TCF12: variants seen among roughly 807,000 people sequenced by gnomAD.
The protein encoded by TCF12 is transcription factor 12.
TCF12 carries 45 observed loss-of-function variants against 86.0 expected under a neutral mutation model. The observed-to-expected ratio is 0.52, with a 90% CI of 0.41 to 0.67. The LOEUF is 0.67. TCF12 is among the 30% of genes least tolerant of loss of function. The probability of loss-of-function intolerance (pLI) is 0.00; values close to 1 mark genes in which losing one functional copy is unlikely to be tolerated. For synonymous variants in TCF12, 330 were observed against 299.6 expected (o/e 1.10, Z -1.05); for missense variants, 881 against 859.9 (o/e 1.02, Z -0.31).
At chr15:57,210,981 TCC>T in intron 8 of TCF12, among the ~76,000 whole-genome samples, 1 of 152,318 alleles carries the variant, frequency 6.6e-6, no homozygotes, top group South Asian at 2.1e-4. Flanking sequence ...TAAGATGAGC[TCC>T]CATATTGACT....
At chr15:57,090,862 T>C (rs1376115564) in intron 4 of TCF12, among the ~76,000 whole-genome samples, 3 of 152,336 alleles carry the variant, frequency 2.0e-5, no homozygotes, top group Admixed American at 6.5e-5. Flanking sequence ...AAGCCTTGTT[T>C]AGAAACAATA....
intron 13 of TCF12, among the ~76,000 whole-genome samples, chr15:57,245,751 T>C (rs893463934): frequency 5.3e-5 from 8 of 152,238 alleles, no homozygotes; most frequent in African/African-American, 1.9e-4. Context: ...TTTTTCTCTT[T>C]AATTCAGGTT....
intron 5 of TCF12, among the ~76,000 whole-genome samples, chr15:57,124,151 A>G (rs1419960846): frequency 1.3e-5 from 2 of 152,016 alleles, no homozygotes; most frequent in East Asian, 1.9e-4. Flanking sequence ...CCTCTGGCTC[A>G]GAATCTAAAG....
At chr15:56,951,518 C>G (rs1490072026) in intron 3 of TCF12, among the ~76,000 whole-genome samples, 3 of 152,038 alleles carry the variant, frequency 2.0e-5, no homozygotes, top group African/African-American at 7.2e-5. Flanking sequence ...TAAACAGTGT[C>G]TTTTGAGGAG....
chr15:57,271,585 G>T (rs767863205), intron 18 of TCF12, among the ~76,000 whole-genome samples: 3 of 152,080 alleles, frequency 2.0e-5, no homozygotes, highest in Non-Finnish European at 2.9e-5. Flanking sequence ...CTCACCCTCC[G>T]TGGGCTGCAC....
chr15:57,189,515 G>A (rs1169077422), intron 6 of TCF12, among the ~76,000 whole-genome samples: 1 of 152,156 alleles, frequency 6.6e-6, no homozygotes, highest in Non-Finnish European at 1.5e-5. Context: ...TTAGGGTTAT[G>A]CGAATCAAAA....
At chr15:57,234,130 C>G in intron 12 of TCF12, 23 bp downstream of exon 12, 3 of 1,595,934 alleles carry the variant, frequency 1.9e-6, no homozygotes, top group Non-Finnish European at 8.6e-7. Flanking sequence ...TTTACACATT[C>G]TACTGAATGA....
chr15:57,204,243 C>G (rs911257647), intron 8 of TCF12, among the ~76,000 whole-genome samples: 3 of 152,050 alleles, frequency 2.0e-5, no homozygotes, highest in African/African-American at 2.4e-5. Context: ...TGAGACCAGC[C>G]TAGGCCACAT....
chr15:57,229,497 A>C (rs866565857), intron 8 of TCF12, among the ~76,000 whole-genome samples: 3 of 120,166 alleles, frequency 2.5e-5, no homozygotes, highest in South Asian at 5.3e-4. Context: ...CCTGAATGCC[A>C]GTCCATTTAA....
At chr15:56,943,234 A>T (rs1182748207) in intron 3 of TCF12, among the ~76,000 whole-genome samples, 3 of 152,172 alleles carry the variant, frequency 2.0e-5, no homozygotes, top group Non-Finnish European at 4.4e-5. Context: ...TGTGAAGGAC[A>T]TTATTGAGCC....
At chr15:57,223,663 T>TTTGTTTTTTTTG (rs1566940942) in intron 8 of TCF12, among the ~76,000 whole-genome samples, 1 of 145,728 alleles carries the variant, frequency 6.9e-6, no homozygotes, top group Non-Finnish European at 1.5e-5. Context: ...TTTTTTTTTT[T>TTTGTTTTTTTTG]TTTTTTTTAG....
Position 57,155,956 on chromosome 15 carries a change from A to G in TCF12, c.326-10446A>G, listed in dbSNP as rs141485498. On this transcript the variant is annotated intron_variant, in intron 5 of 20. Coordinates refer to ENST00000333725, the MANE Select transcript of TCF12 (RefSeq NM_207037.2). ...AGTGTACAAAATGTGCTTCATTTCT[A>G]TATTACATAGGTAGAGGCTGTTGAG... Among the ~76,000 whole-genome samples the G allele has an allele frequency of 8.6e-3, 1,311 of 152,316 alleles. 6 individuals are homozygous for G. The highest frequency in any genetic ancestry group is 0.012 in the Non-Finnish European group (822 of 68,032).
intron 5 of TCF12, among the ~76,000 whole-genome samples, chr15:57,166,110 G>T (rs976392969): frequency 6.6e-6 from 1 of 151,738 alleles, no homozygotes; most frequent in East Asian, 1.9e-4. Flanking sequence ...TTTGTAGAGA[G>T]GCTTCACTAT....
chr15:57,251,698 A>G (rs1350550053), intron 14 of TCF12, among the ~76,000 whole-genome samples: 3 of 152,302 alleles, frequency 2.0e-5, no homozygotes, highest in African/African-American at 7.2e-5. Context: ...TAATCTTTCT[A>G]TGCTTCTATG....
chr15:57,266,260 T>A (rs1458601952), intron 18 of TCF12, among the ~76,000 whole-genome samples: 1 of 152,128 alleles, frequency 6.6e-6, no homozygotes, highest in African/African-American at 2.4e-5. Context: ...GTATTTTTAA[T>A]AGAGACAAGG....
rs558377638 is a variant in TCF12 at position 57,174,922 on chromosome 15, C to T, written c.390+8456C>T. Among the ~76,000 whole-genome samples, 26 of 152,064 alleles carry T rather than the reference C, an allele frequency of 1.7e-4. No individual in the cohort carries two copies. In the South Asian group the frequency reaches 2.5e-3, roughly 15 times the overall value. On this transcript the variant is annotated intron_variant, in intron 6 of 20. Coordinates refer to ENST00000333725, the MANE Select transcript of TCF12 (RefSeq NM_207037.2). ...AATTGGGTTATAGATTTCAAGGCCA[C>T]CCTGGGCAACATAGCAAGACCCTGT...
intron 3 of TCF12, among the ~76,000 whole-genome samples, chr15:57,040,250 T>A (rs1324297691): frequency 6.6e-6 from 1 of 152,234 alleles, no homozygotes; most frequent in African/African-American, 2.4e-5. Context: ...TAATTTATCG[T>A]TCAATCTAGA....
At chr15:57,067,875 A>T (rs2069037604) in intron 4 of TCF12, among the ~76,000 whole-genome samples, 1 of 152,200 alleles carries the variant, frequency 6.6e-6, no homozygotes, top group African/African-American at 2.4e-5. Context: ...TTAAAATCTC[A>T]GGTAGTTTAG....
At chr15:56,942,039 G>C (rs1301851154) in intron 3 of TCF12, among the ~76,000 whole-genome samples, 1 of 152,096 alleles carries the variant, frequency 6.6e-6, no homozygotes, top group Non-Finnish European at 1.5e-5. Flanking sequence ...AGTTGGTTTT[G>C]TTTTGTTTTT....
Sources: gnomAD v4.1 joint callset for allele counts (sites outside exome capture counted in the v4.1 genomes callset) on GRCh38, gnomAD v4.1.1 for gene constraint, MANE v1.5 for transcripts, NCBI Gene and HGNC (gene_info 2026-07-23, HGNC 2026-07-21) for gene names.